TAX1BP3: variants seen among roughly 807,000 people sequenced by gnomAD.
TAX1BP3 encodes tax1-binding protein 3.
TAX1BP3 carries 13 observed loss-of-function variants against 15.3 expected under a neutral mutation model. The ratio of observed to expected loss-of-function variants is 0.85; its 90% confidence interval spans 0.55 to 1.35. The LOEUF (loss-of-function observed/expected upper bound fraction) is 1.35. Ranked by LOEUF, TAX1BP3 falls within the 40% of genes most tolerant of loss-of-function variation. TAX1BP3 has a pLI of 0.00. For missense variants in TAX1BP3, 147 were observed against 169.6 expected (o/e 0.87, Z 0.74); for synonymous variants, 70 against 66.0 (o/e 1.06, Z -0.30).
intron 2 of TAX1BP3, 179 bp downstream of exon 2, chr17:3,664,500 G>T: frequency 9.9e-7 from 1 of 1,010,892 alleles, no homozygotes. Flanking sequence ...GGCTCTGTCT[G>T]AGCAGCCCTT....
At position 3,668,574 on chromosome 17, in the gene TAX1BP3, A is replaced by G. The variant is rs755427143; in HGVS notation, c.-48T>C. On this transcript the variant is annotated 5_prime_UTR_variant, in exon 1 of 4. Coordinates refer to ENST00000225525, the MANE Select transcript of TAX1BP3 (RefSeq NM_014604.4). This position sits in a 1 kb window ranked among gnomAD's most constrained non-coding sequence, Gnocchi z 4.1. ...AGCGCCGCTCCGAGAAGCCGGCAGC[A>G]GAGTACCCGCGGTCGCGCCCTCGCT... 6.0e-5 allele frequency: 94 copies of G among 1,569,322 alleles called. No individual in the cohort carries two copies. Among genetic ancestry groups the G allele is most frequent in the Non-Finnish European group, 7.6e-5 (88 of 1,159,586 alleles).
rs763969015 is a variant in TAX1BP3, at chr17:3,668,554, C to G, written c.-28G>C. On this transcript the variant is annotated 5_prime_UTR_variant, in exon 1 of 4. Coordinates refer to ENST00000225525, the MANE Select transcript of TAX1BP3 (RefSeq NM_014604.4). The surrounding 1 kb of genome is among the most constrained non-coding windows in gnomAD (Gnocchi z 4.1). The stretch of plus-strand genomic sequence containing the variant: ...CGACCCTGCTCTGGTCGCCCAGCGC[C>G]GCTCCGAGAAGCCGGCAGCAGAGTA... 1.1e-5 allele frequency: 17 copies of G among 1,590,200 alleles called. No individual in the cohort carries two copies. Among genetic ancestry groups the G allele is most frequent in the Non-Finnish European group, 1.3e-5 (15 of 1,170,180 alleles).
At chr17:3,664,508 C>G in intron 2 of TAX1BP3, 171 bp downstream of exon 2, 1 of 1,060,626 alleles carries the variant, frequency 9.4e-7, no homozygotes, top group Non-Finnish European at 1.4e-6. Context: ...CTGAGCAGCC[C>G]TTCCTCACCC....
At position 3,663,592 on chromosome 17, in the gene TAX1BP3, G is replaced by GAGA; in HGVS notation, c.*153_*155dup. 1 of 1,149,158 alleles carries GAGA rather than the reference G, an allele frequency of 8.7e-7. No homozygotes were observed. Among genetic ancestry groups the GAGA allele is most frequent in the Non-Finnish European group, 1.2e-6 (1 of 857,822 alleles). 71.2% of individuals were successfully genotyped at this position (1,149,158 alleles called of 1,614,324 possible). On this transcript the variant is annotated 3_prime_UTR_variant, in exon 4 of 4. Coordinates refer to ENST00000225525, the MANE Select transcript of TAX1BP3 (RefSeq NM_014604.4). ...CCCAGAGGCCCCAGGCCAGGGATGG[G>GAGA]AGAAGGGAAGGAAGGCCAGGCCAGG...
intron 1 of TAX1BP3, chr17:3,665,765 AGAAAGGAG>A: frequency 1.6e-6 from 1 of 607,834 alleles, no homozygotes; most frequent in Admixed American, 2.8e-5. Flanking sequence ...AAAAAAAAAA[AGAAAGGAG>A]AGGAAGGGCT....
In TAX1BP3 at chr17:3,663,685, A is replaced by T; in HGVS notation, c.*63T>A. ...GTCAGCAGAAGCCAGATGGGGACAG[A>T]GTGTGGAAGTGGCGTTACTGTACAG... On this transcript the variant is annotated 3_prime_UTR_variant, in exon 4 of 4. Transcript: ENST00000225525. The T allele has an allele frequency of 6.5e-7, 1 of 1,550,082 alleles. No individual in the cohort carries two copies. Among genetic ancestry groups the T allele is most frequent in the Middle Eastern group, 2.0e-4 (1 of 5,006 alleles).
chr17:3,665,167 G>A (rs2076325353), intron 1 of TAX1BP3: 1 of 865,094 alleles, frequency 1.2e-6, no homozygotes, highest in Non-Finnish European at 1.9e-6. Flanking sequence ...ATAGAAAGGA[G>A]AGGAAGGGGT....
In TAX1BP3 at chr17:3,666,795, C is replaced by T. The variant is rs553494116; in HGVS notation, c.39+1693G>A. ...GGGAAGGCCCTGGGACCAGTTATGGCGTGAGGGAGGGGGGCAGGAAGCATG... is the reference window on the plus strand; with the variant it reads ...GGGAAGGCCCTGGGACCAGTTATGGTGTGAGGGAGGGGGGCAGGAAGCATG... On this transcript the variant is annotated intron_variant, in intron 1 of 3. Coordinates refer to ENST00000225525, the MANE Select transcript of TAX1BP3 (RefSeq NM_014604.4). Among the ~76,000 whole-genome samples, 50 of 152,204 alleles carry T rather than the reference C, an allele frequency of 3.3e-4. 1 individual carries two copies. The highest frequency in any genetic ancestry group is 1.1e-3 in the African/African-American group (44 of 41,522).
intron 2 of TAX1BP3, 123 bp from the exon 3 acceptor site, chr17:3,664,395 CAT>C (rs1370026985): frequency 1.7e-6 from 2 of 1,206,132 alleles, no homozygotes; most frequent in Non-Finnish European, 2.4e-6. Flanking sequence ...TCTCCCAGCA[CAT>C]ATGGTCAGTG....
At chr17:3,664,320 C>A in intron 2 of TAX1BP3, 48 bp from the exon 3 acceptor site, 1 of 1,607,098 alleles carries the variant, frequency 6.2e-7, no homozygotes, top group Non-Finnish European at 8.5e-7. Flanking sequence ...TGGACTGGCC[C>A]CTTATCACAC....
chr17:3,668,423 C>A lies in TAX1BP3; in HGVS notation c.39+65G>T. Reference sequence around the variant, plus strand: ...TGCTCTGTCAACCTGCTTGGGGTGTCCGTTTCCCGCTCTGCGAGGTGGGGT... The same window carrying A: ...TGCTCTGTCAACCTGCTTGGGGTGTACGTTTCCCGCTCTGCGAGGTGGGGT... On this transcript the variant is annotated intron_variant, in intron 1 of 3. Coordinates refer to ENST00000225525, the MANE Select transcript of TAX1BP3 (RefSeq NM_014604.4). The surrounding 1 kb of genome is among the most constrained non-coding windows in gnomAD (Gnocchi z 4.1). The A allele has an allele frequency of 6.3e-7, 1 of 1,580,558 alleles. No individual in the cohort carries two copies. Among genetic ancestry groups the A allele is most frequent in the Non-Finnish European group, 8.6e-7 (1 of 1,161,724 alleles).
rs79406152 is a variant in TAX1BP3 at position 3,664,417 on chromosome 17, C to G, written c.160-145G>C. On this transcript the variant is annotated intron_variant, in intron 2 of 3. Transcript: ENST00000225525. The stretch of plus-strand genomic sequence containing the variant: ...GCACATATGGTCAGTGAGGACTGTT[C>G]TGAGAGAGCCGGGGCAGAGTTGCTG... 5,342 of 1,074,948 alleles carry G rather than the reference C, an allele frequency of 5.0e-3. 24 individuals are homozygous for G. Among genetic ancestry groups the G allele is most frequent in the Non-Finnish European group, 6.3e-3 (4,555 of 723,144 alleles). 66.6% of individuals were successfully genotyped at this position (1,074,948 alleles called of 1,614,324 possible). A position where few individuals can be genotyped will look rare whatever the true frequency, so the allele number is the denominator to read the frequency against.
At chr17:3,663,913 C>T (rs759515926) in intron 3 of TAX1BP3, 28 bp from the exon 4 acceptor site, 4 of 1,592,660 alleles carry the variant, frequency 2.5e-6, no homozygotes, top group Non-Finnish European at 3.4e-6. Flanking sequence ...CACAGGCTCA[C>T]CTCAGCTCCC....
Position 3,664,201 on chromosome 17 carries a change from G to T in TAX1BP3, c.231C>A (p.Ile77=). ...EIAGLQIGDK[I]MQVNGWDMTM... is the part of the protein sequence containing the mutation. ...CCTTTGGGACACCTGTTACCTGCAT[G>T]ATCTTGTCTCCAATCTGCAGCCCAG... The change falls in exon 3 of 4, where the codon ATC becomes ATA. Residue 77 remains isoleucine, a synonymous_variant. Transcript: ENST00000225525. 1 of 1,614,116 alleles carries T rather than the reference G, an allele frequency of 6.2e-7. No homozygotes were observed. The highest frequency in any genetic ancestry group is 1.1e-5 in the South Asian group (1 of 91,084).
chr17:3,665,714 C>CA (rs58454200), intron 1 of TAX1BP3: 438,231 of 538,722 alleles, frequency 0.81, 172,633 homozygotes, highest in African/African-American at 0.9. Flanking sequence ...AGGTGTTAAA[C>CA]AAAAAAAAAT....
In TAX1BP3 at chr17:3,664,321, C is replaced by T. The variant is rs73307303; in HGVS notation, c.160-49G>A. ...AGCCCTGTGGTCACTGGACTGGCCC[C>T]TTATCACACAGCGGAAGCCAGCATG... On this transcript the variant is annotated intron_variant, in intron 2 of 3. Transcript: ENST00000225525. 45,755 of 1,606,916 alleles carry T rather than the reference C, an allele frequency of 0.028. 5,899 individuals carry two copies. In the African/African-American group the frequency reaches 0.38, roughly 13 times the overall value.
chr17:3,667,300 G>C (rs553874465), intron 1 of TAX1BP3, among the ~76,000 whole-genome samples: 1 of 144,984 alleles, frequency 6.9e-6, no homozygotes, highest in Non-Finnish European at 1.5e-5. Flanking sequence ...CCGAGATCGC[G>C]CCACTGTACT....
In TAX1BP3 at chr17:3,668,153, G is replaced by A. The variant is rs1354602585; in HGVS notation, c.39+335C>T. 2.0e-5 allele frequency among the ~76,000 whole-genome samples: 3 copies of A among 152,204 alleles called. No homozygotes were observed. Among genetic ancestry groups the A allele is most frequent in the Non-Finnish European group, 4.4e-5 (3 of 68,026 alleles). ...CTCATGGACGTCGGGATCGGCGCCCGCCCCCAGCAGCTCCCCGTCTGGGGA... is the reference window on the plus strand; with the variant it reads ...CTCATGGACGTCGGGATCGGCGCCCACCCCCAGCAGCTCCCCGTCTGGGGA... On this transcript the variant is annotated intron_variant, in intron 1 of 3. Transcript: ENST00000225525. This position sits in a 1 kb window ranked among gnomAD's most constrained non-coding sequence, Gnocchi z 4.1.
chr17:3,665,107 G>A (rs3817666), intron 1 of TAX1BP3: 32,809 of 713,878 alleles, frequency 0.046, 1,008 homozygotes, highest in Admixed American at 0.098. Context: ...TCTGTAGGTG[G>A]GAAGCCCGTC....
Sources: gnomAD v4.1 joint callset for allele counts (sites outside exome capture counted in the v4.1 genomes callset) on GRCh38, gnomAD v4.1.1 for gene constraint, Gnocchi (gnomAD v3.1) non-coding constraint, MANE v1.5 for transcripts, NCBI Gene and HGNC (gene_info 2026-07-23, HGNC 2026-07-21) for gene names.